Variants in SIRT4 observed in about 807,000 individuals in gnomAD.
SIRT4 encodes sirtuin 4.
SIRT4 carries 23 observed loss-of-function variants against 26.1 expected under a neutral mutation model. That is an observed-to-expected ratio of 0.88 (90% CI 0.63 to 1.25). The LOEUF (loss-of-function observed/expected upper bound fraction) is 1.25, where lower values mean the gene tolerates loss of function less well. SIRT4 is among the 50% of genes most tolerant of loss of function. The pLI is 0.00. For missense variants in SIRT4, 361 were observed against 405.4 expected (o/e 0.89, Z 0.94); for synonymous variants, 155 against 158.4 (o/e 0.98, Z 0.16).
intron 2 of SIRT4, among the ~76,000 whole-genome samples, chr12:120,306,989 A>T (rs941026101): frequency 4.6e-5 from 7 of 152,164 alleles, no homozygotes; most frequent in African/African-American, 1.7e-4. Context: ...GAGGGAACAG[A>T]TACATGGGAG....
chr12:120,294,108 A>C, the SIRT4 span, among the ~76,000 whole-genome samples: 2 of 143,200 alleles, frequency 1.4e-5, 1 homozygote, highest in Admixed American at 1.5e-4. Context: ...GATTCAAGCG[A>C]TTCTCCTGCC....
the SIRT4 span, among the ~76,000 whole-genome samples, chr12:120,295,176 C>T: frequency 6.7e-6 from 1 of 149,142 alleles, no homozygotes; most frequent in South Asian, 2.1e-4. Context: ...GGGAATAATG[C>T]TGCTATTGGT....
At chr12:120,304,136 C>G in intron 2 of SIRT4, 78 bp downstream of exon 2, 1 of 1,530,838 alleles carries the variant, frequency 6.5e-7, no homozygotes, top group Non-Finnish European at 8.8e-7. Context: ...GTCTTGATCA[C>G]CACAGTCTTA....
intron 2 of SIRT4, among the ~76,000 whole-genome samples, chr12:120,304,822 T>C (rs140455811): frequency 0.44 from 15,790 of 35,526 alleles, 1,267 homozygotes; most frequent in South Asian, 0.48. Context: ...TATATATATA[T>C]ATATATATAT....
chr12:120,298,300 T>G (rs539478011), upstream of SIRT4, among the ~76,000 whole-genome samples: 35 of 149,026 alleles, frequency 2.3e-4, no homozygotes, highest in African/African-American at 8.1e-4. Flanking sequence ...GAGCTACTAC[T>G]CCCTGTGTAC....
At chr12:120,295,914 T>C in the SIRT4 span, among the ~76,000 whole-genome samples, 2 of 150,346 alleles carry the variant, frequency 1.3e-5, no homozygotes, top group African/African-American at 2.4e-5. Context: ...AAATACAAAA[T>C]TACAAAAATA....
chr12:120,293,900 C>G, the SIRT4 span, among the ~76,000 whole-genome samples: 1 of 150,936 alleles, frequency 6.6e-6, no homozygotes, highest in East Asian at 1.9e-4. Context: ...TGAGGTCAGT[C>G]TTATTTCATT....
chr12:120,312,670 G>A lies in SIRT4; in HGVS notation c.712G>A (p.Val238Met). The A allele has an allele frequency of 1.2e-6, 2 of 1,614,144 alleles. No individual in the cohort carries two copies. Among genetic ancestry groups the A allele is most frequent in the Non-Finnish European group, 1.7e-6 (2 of 1,180,036 alleles). ...AGATGTCGTTTTCTTCGGGGACACA[G>A]TGAACCCTGACAAGGTTGATTTTGT... ...KPDVVFFGDTVNPDKVDFVHK... is the reference protein window; with the variant it reads ...KPDVVFFGDTMNPDKVDFVHK... Residue 238 changes from valine (V) to methionine (M), a missense_variant, in exon 3 of 4, where the codon GTG becomes ATG. Coordinates refer to ENST00000202967, the MANE Select transcript of SIRT4 (RefSeq NM_012240.3).
the SIRT4 span, among the ~76,000 whole-genome samples, chr12:120,296,198 C>T: frequency 9.4e-5 from 14 of 148,396 alleles, no homozygotes; most frequent in Non-Finnish European, 1.6e-4. Flanking sequence ...CATTCATGTA[C>T]TCATCATCCA....
At chr12:120,292,010 C>A in the SIRT4 span, 1 of 152,136 alleles carries the variant, frequency 6.6e-6, no homozygotes, top group Admixed American at 6.6e-5. Flanking sequence ...CCCACTCCAC[C>A]AGCCGTATTT....
At chr12:120,296,560 C>G in the SIRT4 span, among the ~76,000 whole-genome samples, 1 of 141,474 alleles carries the variant, frequency 7.1e-6, no homozygotes, top group Non-Finnish European at 1.5e-5. Flanking sequence ...TAGGTTGGAG[C>G]GCAGGGGTGC....
At chr12:120,303,280 G>A (rs1328111458) in intron 1 of SIRT4, among the ~76,000 whole-genome samples, 1 of 151,662 alleles carries the variant, frequency 6.6e-6, no homozygotes, top group Admixed American at 6.6e-5. Context: ...AGGAGTTCGA[G>A]ACTAGCCTGG....
At chr12:120,302,191 T>TTCAGTGAGTGAAGATCGCGCCACTGCA, upstream of SIRT4, 1 of 152,186 alleles carries the variant, frequency 6.6e-6, no homozygotes, top group African/African-American at 2.4e-5. Flanking sequence ...CGGGGGAACC[T>TTCAGTGAGTGAAGATCGCGCCACTGCA]CTGACCAGAA....
chr12:120,299,648 T>C (rs1265566107), upstream of SIRT4, among the ~76,000 whole-genome samples: 1 of 151,964 alleles, frequency 6.6e-6, no homozygotes, highest in Non-Finnish European at 1.5e-5. Context: ...ATCAGACTGG[T>C]CCAACACAGA....
intron 2 of SIRT4, among the ~76,000 whole-genome samples, chr12:120,312,119 C>T (rs187918929): frequency 8.0e-4 from 121 of 151,978 alleles, no homozygotes; most frequent in Non-Finnish European, 1.3e-4. Context: ...ACCGTCTCTA[C>T]CAAAACTACA....
chr12:120,301,399 A>T (rs1168720230), upstream of SIRT4, among the ~76,000 whole-genome samples: 1 of 152,204 alleles, frequency 6.6e-6, no homozygotes, highest in East Asian at 1.9e-4. Context: ...ACTTTTTCAG[A>T]TATGTATAAA....
chr12:120,304,635 A>AAAAAAAAG (rs896759509), intron 2 of SIRT4, among the ~76,000 whole-genome samples: 1 of 150,698 alleles, frequency 6.6e-6, no homozygotes, highest in Admixed American at 6.7e-5. Flanking sequence ...CAACAGTGCA[A>AAAAAAAAG]AAAAAAAGAA....
upstream of SIRT4, among the ~76,000 whole-genome samples, chr12:120,297,676 G>A (rs77065445): frequency 2.0e-5 from 3 of 152,030 alleles, no homozygotes; most frequent in Non-Finnish European, 4.4e-5. Flanking sequence ...ATTTTTGGGG[G>A]CCTAGAAGCA....
At chr12:120,294,004 A>ATGTTTTTTTTT in the SIRT4 span, among the ~76,000 whole-genome samples, 1 of 22,712 alleles carries the variant, frequency 4.4e-5, no homozygotes, top group African/African-American at 2.1e-4. Flanking sequence ...ATGAGATGTT[A>ATGTTTTTTTTT]TCTTTTTTTT....
Sources: gnomAD v4.1 joint callset for allele counts (sites outside exome capture counted in the v4.1 genomes callset) on GRCh38, gnomAD v4.1.1 for gene constraint, MANE v1.5 for transcripts, NCBI Gene and HGNC (gene_info 2026-07-23, HGNC 2026-07-21) for gene names.